COL12A1: variants seen among roughly 807,000 people sequenced by gnomAD.
COL12A1 encodes collagen type XII alpha 1 chain, also known as collagen alpha-1(XII) chain.
COL12A1 carries 114 observed loss-of-function variants against 349.7 expected under a neutral mutation model. The observed-to-expected ratio is 0.33, with a 90% confidence interval of 0.28 to 0.38. The LOEUF (loss-of-function observed/expected upper bound fraction) is 0.38. Ranked by LOEUF, COL12A1 falls within the 10% of genes least tolerant of loss-of-function variation. The pLI is 1.00. For synonymous variants in COL12A1, 1,369 were observed against 1,329.0 expected (o/e 1.03, Z -0.66); for missense variants, 3,284 against 3,756.9 (o/e 0.87, Z 3.29).
At chr6:75,113,039 T>G (rs925735632) in intron 51 of COL12A1, 165 bp downstream of exon 51, 35 of 430,330 alleles carry the variant, frequency 8.1e-5, no homozygotes, top group Admixed American at 2.4e-4. Flanking sequence ...TAGTATATTG[T>G]TTTATTTTAA....
chr6:75,149,153 C>A (rs1447539050), intron 21 of COL12A1, among the ~76,000 whole-genome samples: 1 of 152,108 alleles, frequency 6.6e-6, no homozygotes, highest in Non-Finnish European at 1.5e-5. Context: ...TGAGAACAGA[C>A]TAAGACCTCT....
intron 52 of COL12A1, 53 bp from the exon 53 acceptor site, chr6:75,106,549 A>G (rs1768554891): frequency 1.3e-6 from 2 of 1,513,484 alleles, no homozygotes; most frequent in Non-Finnish European, 1.8e-6. Context: ...AACATTTTAT[A>G]TTGGCACTTC....
In COL12A1 at chr6:75,142,049, G is replaced by C; in HGVS notation, c.4940C>G (p.Thr1647Ser). 6.2e-7 allele frequency: 1 copy of C among 1,614,102 alleles called. No homozygotes were observed. Among genetic ancestry groups the C allele is most frequent in the Non-Finnish European group, 8.5e-7 (1 of 1,179,986 alleles). ...VHDEGESPPV[T>S]AQETTRPVPA... Reference sequence around the variant, plus strand: ...CAACTCACGGGTAGTTTCTTGAGCAGTCACTGGAGGAGACTCCCCCTCGTC... The same window carrying C: ...CAACTCACGGGTAGTTTCTTGAGCACTCACTGGAGGAGACTCCCCCTCGTC... Residue 1647 changes from threonine (T) to serine (S), a missense_variant, in exon 27 of 66, where the codon ACT (threonine) becomes AGT (serine). Physicochemically the swap from Thr to Ser is moderately conservative, Grantham distance 58. Coordinates refer to ENST00000322507, the MANE Select transcript of COL12A1 (RefSeq NM_004370.6).
rs1343790339 is a variant in COL12A1 at position 75,187,155 on chromosome 6, TAA to T, written c.997+1205_997+1206del. On this transcript the variant is annotated intron_variant, in intron 8 of 65. Coordinates refer to ENST00000322507, the MANE Select transcript of COL12A1 (RefSeq NM_004370.6). ...AAATGAAAATAATTTTAAAAATAAA[TAA>T]ATATATATATATATATATATTTAAA... Among the ~76,000 whole-genome samples, 36 of 38,218 alleles carry T rather than the reference TAA, an allele frequency of 9.4e-4. No homozygotes were observed. The South Asian group carries it at 0.018, about 19-fold the overall frequency. The allele number at this position is 38,218 out of a possible 152,430, so 25.1% of individuals were successfully genotyped here.
Position 75,175,283 on chromosome 6 carries a change from ACT to A in COL12A1, c.2463_2464del (p.Arg821SerfsTer3). The A allele has an allele frequency of 6.2e-7, 1 of 1,613,970 alleles. No individual in the cohort carries two copies. The highest frequency in any genetic ancestry group is 8.5e-7 in the Non-Finnish European group (1 of 1,179,988). On this transcript the variant is annotated frameshift_variant, in exon 13 of 66. Coordinates refer to ENST00000322507, the MANE Select transcript of COL12A1 (RefSeq NM_004370.6). LOFTEE classifies it high-confidence loss of function. ...CATAGTAGACGTCGTAGGGTCAGAA[ACT>A]CTTAAGTCTCTTGGATTCCCTCTAA...
chr6:75,126,728 A>G (rs1490615141), intron 38 of COL12A1, among the ~76,000 whole-genome samples: 1 of 152,170 alleles, frequency 6.6e-6, no homozygotes, highest in South Asian at 2.1e-4. Flanking sequence ...CAGTATCCAG[A>G]GCGGAAGTGT....
intron 58 of COL12A1, 70 bp from the exon 59 acceptor site, chr6:75,097,376 G>C (rs1389178449): frequency 6.9e-6 from 9 of 1,299,322 alleles, no homozygotes; most frequent in Middle Eastern, 1.9e-4. Flanking sequence ...ATGCTAAACA[G>C]GTTGCTAAAG....
At chr6:75,106,997 G>A (rs115988500) in intron 52 of COL12A1, among the ~76,000 whole-genome samples, 1,881 of 144,582 alleles carry the variant, frequency 0.013, 39 homozygotes, top group African/African-American at 0.043. Context: ...TGCCTCCCAG[G>A]TTCAAATGCT....
chr6:75,151,409 ATTAG>A, intron 20 of COL12A1, 122 bp from the exon 21 acceptor site: 1 of 749,282 alleles, frequency 1.3e-6, no homozygotes, highest in Non-Finnish European at 2.1e-6. Context: ...AGGTTTAATA[ATTAG>A]TTAACTAAAA....
At chr6:75,108,338 T>C (rs1378021124) in intron 52 of COL12A1, among the ~76,000 whole-genome samples, 2 of 152,144 alleles carry the variant, frequency 1.3e-5, no homozygotes, top group Admixed American at 6.6e-5. Flanking sequence ...TTCTCCTTCC[T>C]TGGCCTCTGA....
intron 46 of COL12A1, 88 bp downstream of exon 46, chr6:75,118,955 C>T (rs1273850116): frequency 1.3e-6 from 2 of 1,546,126 alleles, no homozygotes; most frequent in African/African-American, 2.7e-5. Flanking sequence ...AATAAAGTAA[C>T]ATCAGCAAAT....
At position 75,134,830 on chromosome 6, in the gene COL12A1, C is replaced by G. The variant is rs779540451; in HGVS notation, c.5420G>C (p.Ser1807Thr). The G allele has an allele frequency of 1.2e-6, 2 of 1,612,512 alleles. No homozygotes were observed. Among genetic ancestry groups the G allele is most frequent in the South Asian group, 1.1e-5 (1 of 90,844 alleles). ...TGGCTTCAGTTTCTGCAGGACCACA[C>G]TGTTCTGCCGTCCTCCTATTGTGGT... is the stretch of plus-strand genomic sequence containing the variant. ...QTTTIGGRQN[S>T]VVLQKLKPDT... Residue 1807 changes from serine (S) to threonine (T), a missense_variant, in exon 32 of 66, where the codon AGT becomes ACT. Around this residue, in one of 2 missense-constraint regions of COL12A1, gnomAD observed 2,601 missense variants for 2,824.8 expected, o/e 0.92. Transcript: ENST00000322507.
intron 13 of COL12A1, 99 bp downstream of exon 13, chr6:75,174,939 T>C (rs1232596758): frequency 2.3e-6 from 3 of 1,300,964 alleles, no homozygotes; most frequent in Non-Finnish European, 3.2e-6. Flanking sequence ...GAGAAAGGAT[T>C]GCACACTTCT....
chr6:75,146,393 T>C, intron 23 of COL12A1, 149 bp from the exon 24 acceptor site: 1 of 894,590 alleles, frequency 1.1e-6, no homozygotes, highest in Admixed American at 3.8e-5. Context: ...ATCCTTCCCA[T>C]TGCCCCAAAA....
chr6:75,151,310 A>C (rs1390983187), intron 20 of COL12A1, 23 bp from the exon 21 acceptor site: 1 of 1,597,324 alleles, frequency 6.3e-7, no homozygotes. Flanking sequence ...ATATATACAA[A>C]TTAAAAGCAC....
At position 75,137,581 on chromosome 6, in the gene COL12A1, T is replaced by C; in HGVS notation, c.5252-2A>G. ...GGTTTCGTGGGCCACTTTTGGGAGCTGAAAGAAGATTGTTGAAAAACTGAG... is the reference window on the plus strand; with the variant it reads ...GGTTTCGTGGGCCACTTTTGGGAGCCGAAAGAAGATTGTTGAAAAACTGAG... On this transcript the variant is annotated splice_acceptor_variant, in intron 30 of 65. Coordinates refer to ENST00000322507, the MANE Select transcript of COL12A1 (RefSeq NM_004370.6). LOFTEE classifies it high-confidence loss of function. 1 of 1,613,564 alleles carries C rather than the reference T, an allele frequency of 6.2e-7. No individual in the cohort carries two copies. The highest frequency in any genetic ancestry group is 1.7e-5 in the Admixed American group (1 of 59,968).
At chr6:75,146,450 T>C (rs1383546672) in intron 23 of COL12A1, among the ~76,000 whole-genome samples, 1 of 152,212 alleles carries the variant, frequency 6.6e-6, no homozygotes. Flanking sequence ...AGACTGCACG[T>C]TACCACTATC....
intron 49 of COL12A1, among the ~76,000 whole-genome samples, chr6:75,114,829 T>C (rs1768998505): frequency 6.6e-6 from 1 of 152,140 alleles, no homozygotes; most frequent in Admixed American, 6.6e-5. Context: ...GAAAAAATTA[T>C]GTAATTGTAT....
At chr6:75,178,017 A>C (rs1380469227) in intron 11 of COL12A1, 82 bp from the exon 12 acceptor site, 2 of 1,251,504 alleles carry the variant, frequency 1.6e-6, no homozygotes, top group East Asian at 5.0e-5. Flanking sequence ...CCTTTTTATT[A>C]CTAAATTATA....
Sources: gnomAD v4.1 joint callset for allele counts (sites outside exome capture counted in the v4.1 genomes callset) on GRCh38, gnomAD v4.1.1 for gene constraint, gnomAD v4.1.1 regional missense constraint, MANE v1.5 for transcripts, NCBI Gene and HGNC (gene_info 2026-07-23, HGNC 2026-07-21) for gene names.